Variants in RNGTT observed in about 807,000 individuals in gnomAD.
RNGTT encodes RNA guanylyltransferase and 5'-phosphatase, also known as mRNA-capping enzyme.
Under a neutral mutation model 79.3 loss-of-function variants are expected in RNGTT, and 33 were observed. The ratio of observed to expected loss-of-function variants is 0.42; its 90% CI spans 0.32 to 0.56. The LOEUF is 0.56. Among genes scored for constraint, RNGTT ranks in the 20% least tolerant of loss-of-function variants. The pLI is 0.17. For synonymous variants in RNGTT, 222 were observed against 235.9 expected (o/e 0.94, Z 0.54); for missense variants, 497 against 739.1 (o/e 0.67, Z 3.80).
intron 12 of RNGTT, among the ~76,000 whole-genome samples, chr6:88,776,152 C>A (rs1035868479): frequency 3.9e-5 from 6 of 152,044 alleles, no homozygotes. Context: ...ACATTCCTAC[C>A]AACAGTGGGA....
At chr6:88,809,450 T>G (rs1780064556) in intron 11 of RNGTT, among the ~76,000 whole-genome samples, 1 of 152,146 alleles carries the variant, frequency 6.6e-6, no homozygotes, top group Admixed American at 6.5e-5. Flanking sequence ...TTAATTGACA[T>G]TTATAAAAAT....
At chr6:88,919,162 A>G (rs1240146905) in intron 4 of RNGTT, among the ~76,000 whole-genome samples, 2 of 152,218 alleles carry the variant, frequency 1.3e-5, no homozygotes, top group African/African-American at 2.4e-5. Context: ...TAGGTATACT[A>G]CAAGCTTAGA....
chr6:88,784,535 A>G (rs1779167008), intron 12 of RNGTT, among the ~76,000 whole-genome samples: 1 of 152,166 alleles, frequency 6.6e-6, no homozygotes, highest in Non-Finnish European at 1.5e-5. Context: ...AATAGCATGT[A>G]TAAATACATA....
chr6:88,805,508 A>G (rs1226673248), intron 11 of RNGTT, among the ~76,000 whole-genome samples: 1 of 152,220 alleles, frequency 6.6e-6, no homozygotes, highest in Non-Finnish European at 1.5e-5. Context: ...GAATAAATCC[A>G]TATGCAGCTA....
In RNGTT at chr6:88,836,612, C is replaced by A. The variant is rs1781089277; in HGVS notation, c.1269+7745G>T. On this transcript the variant is annotated intron_variant, in intron 11 of 15. Coordinates refer to ENST00000369485, the MANE Select transcript of RNGTT (RefSeq NM_003800.5). ...CAAAAATTAGCCGGGCATGATAACA[C>A]GTGCTTATAGTCCCAGCTACTCAGG... Among the ~76,000 whole-genome samples, 6 of 151,870 alleles carry A rather than the reference C, an allele frequency of 4.0e-5. No homozygotes were observed. The South Asian group carries it at 1.2e-3, about 32-fold the overall frequency.
At chr6:88,883,708 G>A (rs1782766506) in intron 8 of RNGTT, among the ~76,000 whole-genome samples, 1 of 151,902 alleles carries the variant, frequency 6.6e-6, no homozygotes. Flanking sequence ...AAATATGAGA[G>A]AATTCTTCTT....
intron 13 of RNGTT, among the ~76,000 whole-genome samples, chr6:88,735,497 A>G (rs975998798): frequency 6.6e-6 from 1 of 151,966 alleles, no homozygotes; most frequent in African/African-American, 2.4e-5. Flanking sequence ...AGAAGTCAGT[A>G]ACAGAAAGAC....
At chr6:88,904,981 T>G (rs753887360) in intron 5 of RNGTT, 26 bp from the exon 6 acceptor site, 90 of 1,607,800 alleles carry the variant, frequency 5.6e-5, no homozygotes, top group Admixed American at 1.2e-4. Flanking sequence ...ACCATGCAAT[T>G]TCCTCGCTAT....
intron 13 of RNGTT, among the ~76,000 whole-genome samples, chr6:88,699,845 T>C (rs1167988894): frequency 6.6e-6 from 1 of 152,188 alleles, no homozygotes; most frequent in Non-Finnish European, 1.5e-5. Flanking sequence ...GTTTGAATCA[T>C]ATAAGGTATA....
At chr6:88,909,573 C>T (rs116677417) in intron 4 of RNGTT, among the ~76,000 whole-genome samples, 2,316 of 152,204 alleles carry the variant, frequency 0.015, 57 homozygotes, top group African/African-American at 0.051. Context: ...AGAAGCCCAC[C>T]AAAGCCCCAC....
intron 13 of RNGTT, among the ~76,000 whole-genome samples, chr6:88,687,592 C>T (rs1275135486): frequency 3.3e-5 from 5 of 151,932 alleles, no homozygotes; most frequent in East Asian, 1.9e-4. Context: ...TAATATGCAG[C>T]GGTAAAAAAT....
At chr6:88,679,834 A>C (rs576463430) in intron 13 of RNGTT, among the ~76,000 whole-genome samples, 4 of 152,344 alleles carry the variant, frequency 2.6e-5, no homozygotes, top group Non-Finnish European at 2.9e-5. Context: ...TCTTTTCATA[A>C]TGGACATTGT....
intron 6 of RNGTT, among the ~76,000 whole-genome samples, chr6:88,901,276 A>G (rs1315840411): frequency 2.0e-5 from 3 of 152,118 alleles, no homozygotes; most frequent in Admixed American, 1.3e-4. Flanking sequence ...AATTAGGAAA[A>G]AAACTCCAAC....
intron 12 of RNGTT, among the ~76,000 whole-genome samples, chr6:88,798,660 T>A (rs1291609248): frequency 1.3e-5 from 2 of 152,184 alleles, no homozygotes; most frequent in Admixed American, 1.3e-4. Context: ...GGTGTAAAAA[T>A]GAAAATGACA....
chr6:88,929,170 C>T lies in RNGTT; in HGVS notation c.272G>A (p.Cys91Tyr). 1 of 1,590,180 alleles carries T rather than the reference C, an allele frequency of 6.3e-7. No individual in the cohort carries two copies. The highest frequency in any genetic ancestry group is 8.6e-7 in the Non-Finnish European group (1 of 1,161,216). Reference sequence around the variant, plus strand: ...ATCTTAATATATAACTTACCCTTTACACTGAAGTTTTATATATTTGATTCC... The same window carrying T: ...ATCTTAATATATAACTTACCCTTTATACTGAAGTTTTATATATTTGATTCC... ...KEGIKYIKLQ[C>Y]KGHGECPTTE... The change falls in exon 3 of 16, where the codon TGT becomes TAT. Residue 91 changes from cysteine (C) to tyrosine (Y), a missense_variant. Coordinates refer to ENST00000369485, the MANE Select transcript of RNGTT (RefSeq NM_003800.5).
chr6:88,631,932 T>C (rs752225596), intron 14 of RNGTT, among the ~76,000 whole-genome samples: 4 of 152,164 alleles, frequency 2.6e-5, no homozygotes, highest in Admixed American at 6.6e-5. Flanking sequence ...CAACTGCTTC[T>C]GAAAGAGTAC....
chr6:88,643,409 T>A (rs1773402641), intron 14 of RNGTT, among the ~76,000 whole-genome samples: 1 of 152,110 alleles, frequency 6.6e-6, no homozygotes, highest in African/African-American at 2.4e-5. Context: ...AATGGGAGAC[T>A]TTAACACCCC....
intron 4 of RNGTT, among the ~76,000 whole-genome samples, chr6:88,917,723 C>T (rs565996485): frequency 1.3e-5 from 2 of 152,116 alleles, no homozygotes; most frequent in South Asian, 2.1e-4. Flanking sequence ...CTCATCTCTA[C>T]TAAAAATAGA....
At chr6:88,900,093 T>A (rs1783396445) in intron 6 of RNGTT, among the ~76,000 whole-genome samples, 1 of 147,600 alleles carries the variant, frequency 6.8e-6, no homozygotes, top group South Asian at 2.1e-4. Context: ...TAATTTTTCA[T>A]AAACAATGTC....
Sources: gnomAD v4.1 joint callset for allele counts (sites outside exome capture counted in the v4.1 genomes callset) on GRCh38, gnomAD v4.1.1 for gene constraint, MANE v1.5 for transcripts, NCBI Gene and HGNC (gene_info 2026-07-23, HGNC 2026-07-21) for gene names.